The following KCNQ5 variants were observed in gnomAD, a reference collection of about 807,000 sequenced individuals.
KCNQ5 encodes potassium voltage-gated channel subfamily Q member 5.
In KCNQ5, 30 loss-of-function variants were observed where a neutral mutation model predicts 98.2. That is an observed-to-expected ratio of 0.31 (90% CI 0.23 to 0.41). KCNQ5 has a LOEUF of 0.41. KCNQ5 is among the 10% of genes least tolerant of loss of function. The pLI is 1.00. For missense variants in KCNQ5, 835 were observed against 1,182.5 expected, an observed-to-expected ratio of 0.71 and a Z score of 4.31; for synonymous variants, 458 against 449.4, an observed-to-expected ratio of 1.02 and a Z score of -0.24.
chr6:72,878,884 A>C (rs1177311016), intron 1 of KCNQ5, among the ~76,000 whole-genome samples: 3 of 152,212 alleles, frequency 2.0e-5, no homozygotes, highest in African/African-American at 7.2e-5. Context: ...AATTATGAGA[A>C]TGTCTAACCT....
chr6:72,667,809 A>C (rs1766901266), intron 1 of KCNQ5, among the ~76,000 whole-genome samples: 1 of 152,220 alleles, frequency 6.6e-6, no homozygotes, highest in South Asian at 2.1e-4. Context: ...ACAATGCATA[A>C]TCTTAATCTA....
At chr6:72,698,934 CA>C (rs949414183) in intron 1 of KCNQ5, among the ~76,000 whole-genome samples, 5 of 152,072 alleles carry the variant, frequency 3.3e-5, no homozygotes, top group Admixed American at 2.0e-4. Context: ...GCTGGGATTA[CA>C]GGTGTAAGTC....
chr6:73,023,196 CA>C (rs1770686898), intron 2 of KCNQ5, among the ~76,000 whole-genome samples: 1 of 152,118 alleles, frequency 6.6e-6, no homozygotes, highest in African/African-American at 2.4e-5. Flanking sequence ...GCCAAGCCAT[CA>C]AGGGGTGGTG....
intron 1 of KCNQ5, among the ~76,000 whole-genome samples, chr6:72,671,893 T>C (rs1767128433): frequency 1.3e-5 from 2 of 152,094 alleles, no homozygotes; most frequent in African/African-American, 2.4e-5. Flanking sequence ...CTCGGCTCAC[T>C]GCGAGCTCCA....
At chr6:73,020,665 T>C (rs1007512932) in intron 2 of KCNQ5, among the ~76,000 whole-genome samples, 3 of 152,168 alleles carry the variant, frequency 2.0e-5, no homozygotes, top group Non-Finnish European at 4.4e-5. Context: ...TGTCTTGGTC[T>C]TTCTGGTGAC....
chr6:72,886,624 A>G (rs1261018899), intron 1 of KCNQ5, among the ~76,000 whole-genome samples: 1 of 152,196 alleles, frequency 6.6e-6, no homozygotes, highest in Non-Finnish European at 1.5e-5. Context: ...AGAAATCCAT[A>G]CACACTATAG....
intron 9 of KCNQ5, among the ~76,000 whole-genome samples, chr6:73,132,587 A>C (rs1757816180): frequency 6.6e-6 from 1 of 152,302 alleles, no homozygotes; most frequent in Non-Finnish European, 1.5e-5. Flanking sequence ...GTGAAGATGC[A>C]CTTTGGATTT....
At chr6:72,940,460 C>G (rs569806786) in intron 1 of KCNQ5, among the ~76,000 whole-genome samples, 39 of 152,254 alleles carry the variant, frequency 2.6e-4, no homozygotes, top group African/African-American at 9.4e-4. Flanking sequence ...CATGCCCCAG[C>G]AAGGGCTGCA....
intron 9 of KCNQ5, chr6:73,129,903 G>C: frequency 6.9e-7 from 1 of 1,440,984 alleles, no homozygotes; most frequent in Middle Eastern, 1.7e-4. Context: ...ACTAACCTCA[G>C]GTGCATGACC....
At chr6:72,977,806 G>A (rs891732935) in intron 1 of KCNQ5, among the ~76,000 whole-genome samples, 8 of 151,968 alleles carry the variant, frequency 5.3e-5, no homozygotes, top group African/African-American at 1.5e-4. Context: ...GTAATAATAC[G>A]TTGTTTATGG....
At chr6:73,119,406 T>C (rs1340214074) in intron 7 of KCNQ5, among the ~76,000 whole-genome samples, 2 of 152,248 alleles carry the variant, frequency 1.3e-5, no homozygotes, top group East Asian at 3.8e-4. Flanking sequence ...CACACTTTGA[T>C]GGTGAGGATC....
Position 72,661,458 on chromosome 6 carries a change from C to G in KCNQ5, c.398+38871C>G, listed in dbSNP as rs75501174. On this transcript the variant is annotated intron_variant, in intron 1 of 13. Coordinates refer to ENST00000370398, the MANE Select transcript of KCNQ5 (RefSeq NM_019842.4). Reference sequence around the variant, plus strand: ...GAGGTACTCTAGAAAAATATGTTAACCCACCATCCATAATATTCTCCAATT... The same window carrying G: ...GAGGTACTCTAGAAAAATATGTTAAGCCACCATCCATAATATTCTCCAATT... 8.5e-3 allele frequency among the ~76,000 whole-genome samples: 1,295 copies of G among 152,210 alleles called. 19 individuals carry two copies. The highest frequency in any genetic ancestry group is 0.029 in the African/African-American group (1,223 of 41,568).
intron 10 of KCNQ5, among the ~76,000 whole-genome samples, chr6:73,140,344 G>A (rs534702150): frequency 7.4e-4 from 113 of 152,240 alleles, no homozygotes; most frequent in African/African-American, 2.4e-3. Context: ...CAAGCACCAC[G>A]CTGCACATAG....
At chr6:72,701,146 G>C (rs1489906915) in intron 1 of KCNQ5, among the ~76,000 whole-genome samples, 3 of 152,122 alleles carry the variant, frequency 2.0e-5, no homozygotes, top group Admixed American at 2.0e-4. Flanking sequence ...TTGTATTTTG[G>C]TGTACTTTGT....
chr6:72,853,741 C>T (rs1429058897), intron 1 of KCNQ5, among the ~76,000 whole-genome samples: 1 of 152,176 alleles, frequency 6.6e-6, no homozygotes, highest in African/African-American at 2.4e-5. Flanking sequence ...TGAAGCAACC[C>T]TGGGGAAGGA....
chr6:72,857,158 A>G (rs537918858), intron 1 of KCNQ5, among the ~76,000 whole-genome samples: 2 of 152,362 alleles, frequency 1.3e-5, no homozygotes, highest in Admixed American at 1.3e-4. Flanking sequence ...GACTAGAAGA[A>G]AAAAAGGACT....
chr6:72,624,265 A>C (rs1254720387), intron 1 of KCNQ5, among the ~76,000 whole-genome samples: 1 of 152,192 alleles, frequency 6.6e-6, no homozygotes, highest in Non-Finnish European at 1.5e-5. Flanking sequence ...AAGCCTGGTA[A>C]ATTATTTTGA....
At chr6:72,931,278 A>T (rs966990695) in intron 1 of KCNQ5, among the ~76,000 whole-genome samples, 31 of 152,184 alleles carry the variant, frequency 2.0e-4, no homozygotes, top group African/African-American at 7.2e-4. Flanking sequence ...CTGAATCTGT[A>T]GCATGTTGGC....
rs200193878 is a variant in KCNQ5, at chr6:72,738,378, T to TA, written c.398+115800dup. Reference sequence around the variant, plus strand: ...TATAGAATCCAGATATTCTGGTGTGTAAAAAAAAATTATTCTCTAAATTAC... The same window carrying TA: ...TATAGAATCCAGATATTCTGGTGTGTAAAAAAAAAATTATTCTCTAAATTAC... On this transcript the variant is annotated intron_variant, in intron 1 of 13. Transcript: ENST00000370398. Among the ~76,000 whole-genome samples, 374 of 151,302 alleles carry TA rather than the reference T, an allele frequency of 2.5e-3. 2 individuals carry two copies. The highest frequency in any genetic ancestry group is 8.1e-3 in the African/African-American group (334 of 41,304).
Sources: gnomAD v4.1 joint callset for allele counts (sites outside exome capture counted in the v4.1 genomes callset) on GRCh38, gnomAD v4.1.1 for gene constraint, MANE v1.5 for transcripts, NCBI Gene and HGNC (gene_info 2026-07-23, HGNC 2026-07-21) for gene names.